The following FIGNL2 variants were observed in gnomAD, a reference collection of about 807,000 sequenced individuals.
The protein encoded by FIGNL2 is fidgetin like 2, also known as fidgetin-like protein 2.
For synonymous variants in FIGNL2, 565 were observed against 484.0 expected (o/e 1.17, Z -2.20); for missense variants, 1,060 against 950.2 (o/e 1.12, Z -1.52).
At chr12:51,834,680 G>A (rs1029775815) in intron 1 of FIGNL2, among the ~76,000 whole-genome samples, 9 of 152,338 alleles carry the variant, frequency 5.9e-5, no homozygotes, top group Admixed American at 2.6e-4. Flanking sequence ...CTGTGTACGC[G>A]TGCACACGCT....
chr12:51,820,468 T>C lies in FIGNL2; in HGVS notation c.1946A>G (p.Tyr649Cys). The change falls in exon 2 of 2, where the codon TAC becomes TGC. Residue 649 changes from tyrosine to cysteine, a missense_variant. Tyr to Cys is a radical substitution (Grantham distance 194). Coordinates refer to ENST00000618634, the MANE Select transcript of FIGNL2 (RefSeq NM_001384995.1). Reference protein sequence around the residue: ...LDSFVEWDKMYGSGH With the variant: ...LDSFVEWDKMCGSGH ...CGCGCGCCGTCAGTGTCCGGAGCCG[T>C]ACATTTTGTCCCACTCCACGAACGA... The C allele has an allele frequency of 6.3e-7, 1 of 1,590,150 alleles. No individual in the cohort carries two copies. The highest frequency in any genetic ancestry group is 8.5e-7 in the Non-Finnish European group (1 of 1,175,946).
intron 1 of FIGNL2, among the ~76,000 whole-genome samples, chr12:51,840,791 G>C (rs920242018): frequency 6.6e-6 from 1 of 152,172 alleles, no homozygotes; most frequent in African/African-American, 2.4e-5. Context: ...CAGGGTCATG[G>C]ACCACAAGGC....
At chr12:51,832,296 C>A (rs1406502788) in intron 1 of FIGNL2, among the ~76,000 whole-genome samples, 1 of 152,084 alleles carries the variant, frequency 6.6e-6, no homozygotes, top group Non-Finnish European at 1.5e-5. Context: ...TGATTACAGG[C>A]GTGTGCCACT....
intron 1 of FIGNL2, among the ~76,000 whole-genome samples, chr12:51,840,069 A>T (rs375534707): frequency 6.6e-6 from 1 of 152,228 alleles, no homozygotes; most frequent in East Asian, 1.9e-4. Flanking sequence ...CCCTGTCTGA[A>T]GTCAGTTCCC....
intron 1 of FIGNL2, among the ~76,000 whole-genome samples, chr12:51,833,987 G>A (rs79239748): frequency 3.7e-4 from 32 of 86,878 alleles, no homozygotes; most frequent in Non-Finnish European, 7.3e-4. Context: ...ACAAATGGAC[G>A]GATGGATGGA....
Position 51,821,817 on chromosome 12 carries a change from T to A in FIGNL2, c.597A>T (p.Ser199=), listed in dbSNP as rs1592184790. Residue 199 remains serine (S), a synonymous_variant, in exon 2 of 2, where the codon TCA becomes TCT. Coordinates refer to ENST00000618634, the MANE Select transcript of FIGNL2 (RefSeq NM_001384995.1). ...QPPPPPGYGP[S]APLYNYPAGG... Reference sequence around the variant, plus strand: ...CTGCGGGATAGTTGTACAGCGGCGCTGAGGGCCCGTACCCCGGAGGCGGTG... The same window carrying A: ...CTGCGGGATAGTTGTACAGCGGCGCAGAGGGCCCGTACCCCGGAGGCGGTG... 1 of 1,272,474 alleles carries A rather than the reference T, an allele frequency of 7.9e-7. No individual in the cohort carries two copies. Among genetic ancestry groups the A allele is most frequent in the Non-Finnish European group, 9.9e-7 (1 of 1,013,954 alleles). The allele number at this position is 1,272,474 out of a possible 1,614,324, so 78.8% of individuals were successfully genotyped here.
At chr12:51,825,189 C>T (rs536079618) in intron 1 of FIGNL2, among the ~76,000 whole-genome samples, 1 of 152,034 alleles carries the variant, frequency 6.6e-6, no homozygotes, top group South Asian at 2.1e-4. Flanking sequence ...TTGATGATAG[C>T]ATTTACCCTG....
rs1222523465 is a variant in FIGNL2 at position 51,821,253 on chromosome 12, G to A, written c.1161C>T (p.Pro387=). The A allele has an allele frequency of 3.1e-5, 47 of 1,525,866 alleles. No homozygotes were observed. Among genetic ancestry groups the A allele is most frequent in the Non-Finnish European group, 3.8e-5 (43 of 1,142,532 alleles). 94.5% of individuals were successfully genotyped at this position (1,525,866 alleles called of 1,614,324 possible). The change falls in exon 2 of 2, where the codon CCC becomes CCT. Residue 387 remains proline (P), a synonymous_variant. Transcript: ENST00000618634. ...LVTSKMVDCG[P]PVQWADVAGQ... ...CCGCCACATCCGCCCACTGCACCGG[G>A]GGCCCGCAGTCCACCATCTTGCTCG...
At chr12:51,848,193 A>T in intron 1 of FIGNL2, 1 of 983,148 alleles carries the variant, frequency 1.0e-6, no homozygotes. Context: ...GAACCCGCAA[A>T]CCTTGGCTCC....
intron 1 of FIGNL2, chr12:51,841,562 C>T (rs917059324): frequency 7.9e-5 from 12 of 152,256 alleles, no homozygotes; most frequent in African/African-American, 2.9e-4. Context: ...TCTTCCTCAA[C>T]CTCCCCTGCT....
At chr12:51,834,745 C>T (rs1044237077) in intron 1 of FIGNL2, among the ~76,000 whole-genome samples, 2 of 152,204 alleles carry the variant, frequency 1.3e-5, no homozygotes, top group Non-Finnish European at 2.9e-5. Flanking sequence ...AGGGCCACAG[C>T]CAAGCTGTGA....
At chr12:51,847,453 A>T in intron 1 of FIGNL2, 7 of 985,420 alleles carry the variant, frequency 7.1e-6, no homozygotes, top group Non-Finnish European at 8.4e-6. Context: ...CAACACAAAC[A>T]TTCTTCAGTC....
At position 51,820,842 on chromosome 12, in the gene FIGNL2, C is replaced by G. The variant is rs1005386182; in HGVS notation, c.1572G>C (p.Ala524=). 5.5e-6 allele frequency: 8 copies of G among 1,458,286 alleles called. No individual in the cohort carries two copies. The highest frequency in any genetic ancestry group is 2.4e-4 in the Middle Eastern group (1 of 4,210). The allele number at this position is 1,458,286 out of a possible 1,614,324, so 90.3% of individuals were successfully genotyped here. A position where few individuals can be genotyped will look rare whatever the true frequency, so the allele number is the denominator to read the frequency against. The change falls in exon 2 of 2, where the codon GCG becomes GCC. Residue 524 remains alanine, a synonymous_variant. Transcript: ENST00000618634. ...CCACAACCAGCACGCCGTCAGCCCC[C>G]GCGCCGCAGCCCCCGTCCAGGCAGG... ...LLACLDGGCG[A]GADGVLVVGT...
Position 51,819,740 on chromosome 12 carries a change from C to G in FIGNL2, c.*712G>C, listed in dbSNP as rs545294562. ...TCCCCTCAAAAACAAACAAAAAATT[C>G]CCCTTCTTTGGGGACTTTTTTTCCT... On this transcript the variant is annotated 3_prime_UTR_variant, in exon 2 of 2. Transcript: ENST00000618634. 6.6e-6 allele frequency: 1 copy of G among 152,550 alleles called. No homozygotes were observed. 9.4% of individuals were successfully genotyped at this position (152,550 alleles called of 1,614,324 possible).
rs1463556840 is a variant in FIGNL2 at position 51,840,288 on chromosome 12, A to G, written c.-12+8252T>C. ...CATCTGGGGCTCCTCTTTGCCTGGG[A>G]CTTGGCCCTGCATGGGCGAGAGATG... On this transcript the variant is annotated intron_variant, in intron 1 of 1. Coordinates refer to ENST00000618634, the MANE Select transcript of FIGNL2 (RefSeq NM_001384995.1). Among the ~76,000 whole-genome samples, 4 of 152,140 alleles carry G rather than the reference A, an allele frequency of 2.6e-5. No homozygotes were observed. The East Asian group carries it at 7.7e-4, about 29-fold the overall frequency.
Position 51,821,442 on chromosome 12 carries a change from G to A in FIGNL2, c.972C>T (p.Tyr324=), listed in dbSNP as rs745541462. 4 of 1,538,540 alleles carry A rather than the reference G, an allele frequency of 2.6e-6. No homozygotes were observed. The Admixed American group carries it at 5.8e-5, about 22-fold the overall frequency. Reference sequence around the variant, plus strand: ...GGACCTTGAGGGGGACGCCGCCACCGTACTTGCCCGACGCCTCCTCCGCGG... The same window carrying A: ...GGACCTTGAGGGGGACGCCGCCACCATACTTGCCCGACGCCTCCTCCGCGG... ...PGAAEEASGK[Y]GGGVPLKVLG... Residue 324 remains tyrosine (Y), a synonymous_variant, in exon 2 of 2, where the codon TAC becomes TAT. Coordinates refer to ENST00000618634, the MANE Select transcript of FIGNL2 (RefSeq NM_001384995.1).
At position 51,833,617 on chromosome 12, in the gene FIGNL2, C is replaced by T. The variant is rs564142383; in HGVS notation, c.-11-11193G>A. 8.0e-3 allele frequency among the ~76,000 whole-genome samples: 1,226 copies of T among 152,302 alleles called. 13 individuals carry two copies. Among genetic ancestry groups the T allele is most frequent in the Non-Finnish European group, 0.014 (963 of 68,028 alleles). ...CCTGGCCTCCTCACAGCTCCTCCCG[C>T]CACGCTGCTTTCCACCTCAGTGCCC... On this transcript the variant is annotated intron_variant, in intron 1 of 1. Transcript: ENST00000618634.
chr12:51,834,724 T>C (rs1410619092), intron 1 of FIGNL2, among the ~76,000 whole-genome samples: 3 of 152,222 alleles, frequency 2.0e-5, no homozygotes. Context: ...TCCCTGCCTG[T>C]GTCCGCGGTC....
chr12:51,820,728 G>C lies in FIGNL2; in HGVS notation c.1686C>G (p.Ala562=). Residue 562 remains alanine, a synonymous_variant, in exon 2 of 2, where the codon GCC becomes GCG. Coordinates refer to ENST00000618634, the MANE Select transcript of FIGNL2 (RefSeq NM_001384995.1). ...RFYVALPDSP[A]RGQILQRALA... ...GCGCCCGCTGCAGGATCTGCCCGCG[G>C]GCCGGGCTGTCGGGCAGCGCCACGT... 1 of 1,482,016 alleles carries C rather than the reference G, an allele frequency of 6.7e-7. No homozygotes were observed. The allele number at this position is 1,482,016 out of a possible 1,614,324, so 91.8% of individuals were successfully genotyped here. A position where few individuals can be genotyped will look rare whatever the true frequency, so the allele number is the denominator to read the frequency against.
Sources: allele counts gnomAD v4.1 joint callset (sites outside exome capture counted in the v4.1 genomes callset), GRCh38; gene constraint gnomAD v4.1.1; transcripts MANE v1.5; gene names NCBI Gene and HGNC (gene_info 2026-07-23, HGNC 2026-07-21).